SH3RF3: variants seen among roughly 807,000 people sequenced by gnomAD.
The protein encoded by SH3RF3 is SH3 domain containing ring finger 3, also known as E3 ubiquitin-protein ligase SH3RF3.
SH3RF3 carries 29 observed loss-of-function variants against 66.3 expected under a neutral mutation model. The observed-to-expected ratio is 0.44, with a 90% CI of 0.33 to 0.60. The LOEUF (loss-of-function observed/expected upper bound fraction) is 0.60. SH3RF3 is among the 20% of genes least tolerant of loss of function. The pLI, the probability that SH3RF3 is intolerant of heterozygous loss-of-function variation, is 0.04. For synonymous variants in SH3RF3, 583 were observed against 532.0 expected (o/e 1.10, Z -1.32); for missense variants, 1,194 against 1,190.9 (o/e 1.00, Z -0.04).
intron 6 of SH3RF3, among the ~76,000 whole-genome samples, chr2:109,434,652 G>A (rs1677348886): frequency 6.6e-6 from 1 of 152,152 alleles, no homozygotes. Flanking sequence ...TTGCCTGGAG[G>A]CCCTCATCCT....
chr2:109,183,891 G>T (rs1419241741), intron 1 of SH3RF3, among the ~76,000 whole-genome samples: 1 of 152,186 alleles, frequency 6.6e-6, no homozygotes. Flanking sequence ...CAAGGAAAGT[G>T]GGCTCTAGAA....
intron 1 of SH3RF3, among the ~76,000 whole-genome samples, chr2:109,273,922 T>G (rs2105325535): frequency 6.6e-6 from 1 of 152,306 alleles, no homozygotes; most frequent in African/African-American, 2.4e-5. Context: ...AGGACTGGGT[T>G]TGGTGCTTGC....
intron 3 of SH3RF3, among the ~76,000 whole-genome samples, chr2:109,382,351 C>T (rs1675710835): frequency 6.6e-6 from 1 of 152,078 alleles, no homozygotes; most frequent in Non-Finnish European, 1.5e-5. Flanking sequence ...GAGTCTGCTG[C>T]AGTGGGGCTG....
chr2:109,443,493 C>T (rs1351032266), intron 7 of SH3RF3, among the ~76,000 whole-genome samples: 2 of 152,168 alleles, frequency 1.3e-5, no homozygotes, highest in Non-Finnish European at 2.9e-5. Flanking sequence ...CAGATAATGA[C>T]TTGGGGGTTA....
At chr2:109,360,125 G>C (rs1404430986) in intron 2 of SH3RF3, among the ~76,000 whole-genome samples, 1 of 151,636 alleles carries the variant, frequency 6.6e-6, no homozygotes, top group African/African-American at 2.4e-5. Context: ...CATAGGTAGA[G>C]ACTGAAAGCC....
intron 4 of SH3RF3, among the ~76,000 whole-genome samples, chr2:109,416,318 G>A (rs1344449470): frequency 2.0e-5 from 3 of 151,954 alleles, no homozygotes; most frequent in Non-Finnish European, 1.5e-5. Context: ...GTCCAGGCTG[G>A]GTGCAGTGGC....
At chr2:109,213,998 C>G (rs527332852) in intron 1 of SH3RF3, among the ~76,000 whole-genome samples, 1 of 152,058 alleles carries the variant, frequency 6.6e-6, no homozygotes, top group African/African-American at 2.4e-5. Context: ...GTGGACGTGG[C>G]GGGCAGGGGA....
At chr2:109,206,323 T>C (rs1172454447) in intron 1 of SH3RF3, among the ~76,000 whole-genome samples, 2 of 151,758 alleles carry the variant, frequency 1.3e-5, no homozygotes, top group Non-Finnish European at 2.9e-5. Flanking sequence ...ACCCTGTCTC[T>C]ACTAAAAAAT....
chr2:109,342,296 A>G (rs1006265437), intron 1 of SH3RF3, among the ~76,000 whole-genome samples: 1 of 152,214 alleles, frequency 6.6e-6, no homozygotes, highest in East Asian at 1.9e-4. Context: ...ATAATGGGCC[A>G]AATAGAGGCT....
Position 109,398,614 on chromosome 2 carries a change from A to G in SH3RF3, c.970A>G (p.Ile324Val), listed in dbSNP as rs765182236. Residue 324 changes from isoleucine (I) to valine (V), a missense_variant, in exon 4 of 10, where the codon ATT (isoleucine) becomes GTT (valine). Ile to Val is a conservative substitution (Grantham distance 29). Transcript: ENST00000309415. The stretch of plus-strand genomic sequence containing the variant: ...GCTCAATGACTCCGCCAAGCAGCTC[A>G]TTGAGATGGACAAGCCATGCCCAGC... ...VELNDSAKQL[I>V]EMDKPCPAAA... The G allele has an allele frequency of 1.3e-6, 2 of 1,583,236 alleles. No individual in the cohort carries two copies. Among genetic ancestry groups the G allele is most frequent in the Non-Finnish European group, 1.7e-6 (2 of 1,166,018 alleles).
chr2:109,264,477 G>T (rs1429204060), intron 1 of SH3RF3, among the ~76,000 whole-genome samples: 1 of 152,260 alleles, frequency 6.6e-6, no homozygotes, highest in Non-Finnish European at 1.5e-5. Context: ...TATATGTCCT[G>T]CTGGGCTTCT....
At chr2:109,306,367 C>T (rs1681598004) in intron 1 of SH3RF3, among the ~76,000 whole-genome samples, 1 of 152,232 alleles carries the variant, frequency 6.6e-6, no homozygotes, top group Non-Finnish European at 1.5e-5. Context: ...ACTCCAGCAG[C>T]ACCTGCAGAG....
intron 1 of SH3RF3, among the ~76,000 whole-genome samples, chr2:109,246,984 T>A (rs186493491): frequency 6.9e-4 from 105 of 152,364 alleles, no homozygotes; most frequent in Admixed American, 2.5e-3. Flanking sequence ...TGGTGGAGGA[T>A]GCTGGTTAGT....
chr2:109,328,025 T>A (rs555022642), intron 1 of SH3RF3, among the ~76,000 whole-genome samples: 7 of 152,218 alleles, frequency 4.6e-5, no homozygotes, highest in Non-Finnish European at 5.9e-5. Context: ...GTCCCTCCAC[T>A]TTTTTTGTTT....
intron 4 of SH3RF3, among the ~76,000 whole-genome samples, chr2:109,407,346 G>A (rs559905010): frequency 1.3e-5 from 2 of 152,216 alleles, no homozygotes; most frequent in Non-Finnish European, 2.9e-5. Flanking sequence ...AAGTCTCTTC[G>A]TGTCTGAGAA....
rs376713612 is a variant in SH3RF3, at chr2:109,395,511, TCTTA to T, written c.946-3075_946-3072del. On this transcript the variant is annotated intron_variant, in intron 3 of 9. Coordinates refer to ENST00000309415, the MANE Select transcript of SH3RF3 (RefSeq NM_001099289.3). ...GGACTTTCTTCTTTGAGGCAGGAGC[TCTTA>T]CTTCTCCTGCCGTCTGTTGAAGCTG... Among the ~76,000 whole-genome samples the T allele has an allele frequency of 2.2e-3, 337 of 152,212 alleles. 1 individual carries two copies. Among genetic ancestry groups the T allele is most frequent in the Non-Finnish European group, 3.5e-3 (237 of 67,990 alleles).
intron 1 of SH3RF3, among the ~76,000 whole-genome samples, chr2:109,152,723 C>A (rs1035010829): frequency 2.6e-5 from 4 of 152,160 alleles, no homozygotes; most frequent in Non-Finnish European, 5.9e-5. Context: ...TTAATGGGTT[C>A]CAACTTGAGT....
At chr2:109,458,701 C>G (rs541220249) in intron 8 of SH3RF3, among the ~76,000 whole-genome samples, 101 of 152,310 alleles carry the variant, frequency 6.6e-4, no homozygotes, top group African/African-American at 2.3e-3. Context: ...AGTTGCTGTG[C>G]AGTCTTGAGG....
At chr2:109,488,241 G>T (rs918263169) in intron 8 of SH3RF3, among the ~76,000 whole-genome samples, 1 of 152,162 alleles carries the variant, frequency 6.6e-6, no homozygotes. Context: ...GCCATGGGGG[G>T]TTCCCTTGCA....
Sources: gnomAD v4.1 joint callset for allele counts (sites outside exome capture counted in the v4.1 genomes callset) on GRCh38, gnomAD v4.1.1 for gene constraint, MANE v1.5 for transcripts, NCBI Gene and HGNC (gene_info 2026-07-23, HGNC 2026-07-21) for gene names.